Variants in TBC1D23 observed in about 807,000 individuals in gnomAD.
TBC1D23 encodes HCV non-structural protein 4A-transactivated protein 1.
In TBC1D23, 55 loss-of-function variants were observed where a neutral mutation model predicts 91.4. The observed-to-expected ratio is 0.60, with a 90% CI of 0.48 to 0.75. TBC1D23 has a LOEUF of 0.75. Among genes scored for constraint, TBC1D23 ranks in the 30% least tolerant of loss-of-function variants. TBC1D23 has a pLI of 0.00. For synonymous variants in TBC1D23, 289 were observed against 281.0 expected (o/e 1.03, Z -0.28); for missense variants, 725 against 836.1 (o/e 0.87, Z 1.64).
At chr3:100,272,700 G>A (rs2067610008) in intron 1 of TBC1D23, among the ~76,000 whole-genome samples, 1 of 152,190 alleles carries the variant, frequency 6.6e-6, no homozygotes, top group East Asian at 1.9e-4. Context: ...CAGAGAGGGG[G>A]ATGTGGCAGG....
rs996163151 is a variant in TBC1D23 at position 100,324,139 on chromosome 3, A to G, written c.*471A>G. On this transcript the variant is annotated 3_prime_UTR_variant, in exon 19 of 19. Coordinates refer to ENST00000394144, the MANE Select transcript of TBC1D23 (RefSeq NM_001199198.3). ...ATATCAGAAACTAAAACATAGATTA[A>G]TAATTCACTCACTGTTTCTATTCTT... is the stretch of plus-strand genomic sequence containing the variant. 3 of 152,218 alleles carry G rather than the reference A, an allele frequency of 2.0e-5. No homozygotes were observed. The highest frequency in any genetic ancestry group is 7.2e-5 in the African/African-American group (3 of 41,464). The allele number at this position is 152,218 out of a possible 1,614,324, so 9.4% of individuals were successfully genotyped here.
At chr3:100,310,667 A>G in intron 14 of TBC1D23, 125 bp downstream of exon 14, 2 of 697,802 alleles carry the variant, frequency 2.9e-6, no homozygotes, top group East Asian at 3.0e-5. Context: ...TATATTTTCT[A>G]TTAGATGATT....
chr3:100,303,552 CTTGAGCCCAGGAG>C, intron 11 of TBC1D23, among the ~76,000 whole-genome samples: 1 of 152,256 alleles, frequency 6.6e-6, no homozygotes, highest in East Asian at 1.9e-4. Flanking sequence ...GGGAGGATCA[CTTGAGCCCAGGAG>C]TTCAAGACCA....
At chr3:100,269,120 T>C (rs2067580759) in intron 1 of TBC1D23, among the ~76,000 whole-genome samples, 1 of 152,202 alleles carries the variant, frequency 6.6e-6, no homozygotes, top group Admixed American at 6.5e-5. Flanking sequence ...GCTTATAGAA[T>C]AACATTTCTG....
chr3:100,312,665 C>A (rs1012859417), intron 15 of TBC1D23, among the ~76,000 whole-genome samples: 1 of 151,866 alleles, frequency 6.6e-6, no homozygotes, highest in Non-Finnish European at 1.5e-5. Flanking sequence ...TTTAGAATAT[C>A]AATTACAGCA....
intron 1 of TBC1D23, among the ~76,000 whole-genome samples, chr3:100,266,654 G>A (rs1486771059): frequency 6.6e-6 from 1 of 152,152 alleles, no homozygotes; most frequent in African/African-American, 2.4e-5. Flanking sequence ...TTAGTAATTG[G>A]TTTTTGCATG....
chr3:100,292,054 C>CA (rs577627619), intron 5 of TBC1D23, among the ~76,000 whole-genome samples: 135 of 152,226 alleles, frequency 8.9e-4, no homozygotes, highest in African/African-American at 3.0e-3. Flanking sequence ...CCTGAGCCAC[C>CA]ACACCTGGCC....
At chr3:100,284,949 G>A (rs1232424430) in intron 4 of TBC1D23, among the ~76,000 whole-genome samples, 1 of 152,126 alleles carries the variant, frequency 6.6e-6, no homozygotes, top group Non-Finnish European at 1.5e-5. Flanking sequence ...ATTTCAGCGT[G>A]TAGCCAAGGT....
At chr3:100,267,968 C>T (rs1055158455) in intron 1 of TBC1D23, among the ~76,000 whole-genome samples, 6 of 152,008 alleles carry the variant, frequency 3.9e-5, no homozygotes, top group Non-Finnish European at 8.8e-5. Flanking sequence ...CTCAGGAGTT[C>T]GAGACCATCC....
At chr3:100,261,382 A>G (rs545280073) in intron 1 of TBC1D23, 6 of 418,930 alleles carry the variant, frequency 1.4e-5, no homozygotes, top group South Asian at 3.3e-5. Context: ...GTTTGGCCGG[A>G]GTCCTGGCTG....
intron 1 of TBC1D23, among the ~76,000 whole-genome samples, chr3:100,265,279 G>C (rs1449399626): frequency 6.6e-6 from 1 of 152,180 alleles, no homozygotes; most frequent in Non-Finnish European, 1.5e-5. Flanking sequence ...CCTGACTCCA[G>C]TGTTTTTGTG....
intron 1 of TBC1D23, among the ~76,000 whole-genome samples, chr3:100,278,109 A>C (rs2067665187): frequency 6.6e-6 from 1 of 152,184 alleles, no homozygotes. Context: ...ATTTAAACTA[A>C]TATTCTTAGA....
chr3:100,283,899 G>A, intron 4 of TBC1D23, 88 bp downstream of exon 4: 1 of 717,812 alleles, frequency 1.4e-6, no homozygotes, highest in Non-Finnish European at 2.3e-6. Context: ...TACTTTGGCG[G>A]TAAAGTAAAA....
chr3:100,290,740 AT>A, intron 5 of TBC1D23, 39 bp downstream of exon 5: 1 of 1,509,948 alleles, frequency 6.6e-7, no homozygotes, highest in East Asian at 2.4e-5. Flanking sequence ...TGAAAAATAG[AT>A]TTATGTAAAG....
In TBC1D23 at chr3:100,304,877, G is replaced by T; in HGVS notation, c.1295G>T (p.Gly432Val). The stretch of plus-strand genomic sequence containing the variant: ...AAAGAATATGTGAGTATTGCCAGTG[G>T]AGGATTTATGGGTAAGATTTTGATT... ...KNKEYVSIAS[G>V]GFMALQQHLA... Residue 432 changes from glycine (G) to valine (V), a missense_variant, in exon 12 of 19, where the codon GGA becomes GTA. By Grantham distance (109) the Gly-to-Val change is moderately radical. Transcript: ENST00000394144. 6.7e-7 allele frequency: 1 copy of T among 1,492,956 alleles called. No homozygotes were observed. 92.5% of individuals were successfully genotyped at this position (1,492,956 alleles called of 1,614,324 possible).
intron 5 of TBC1D23, among the ~76,000 whole-genome samples, chr3:100,294,573 A>G (rs1208244178): frequency 6.6e-6 from 1 of 152,048 alleles, no homozygotes; most frequent in Non-Finnish European, 1.5e-5. Context: ...ATCTCTTTCA[A>G]GTGATGTACA....
At chr3:100,298,121 G>T in intron 9 of TBC1D23, 76 bp downstream of exon 9, 1 of 1,307,086 alleles carries the variant, frequency 7.7e-7, no homozygotes, top group Non-Finnish European at 1.1e-6. Context: ...CCTGTTCATT[G>T]ATTCCCACAA....
intron 1 of TBC1D23, among the ~76,000 whole-genome samples, chr3:100,263,667 A>C (rs534766530): frequency 1.3e-5 from 2 of 152,372 alleles, no homozygotes; most frequent in South Asian, 4.1e-4. Context: ...AGTGACAGAC[A>C]TTACAACACT....
chr3:100,298,624 G>A (rs1705352320), intron 9 of TBC1D23, among the ~76,000 whole-genome samples: 2 of 152,140 alleles, frequency 1.3e-5, no homozygotes, highest in South Asian at 2.1e-4. Context: ...AGCCTTTTAT[G>A]GTAGATCTTT....
Sources: allele counts gnomAD v4.1 joint callset (sites outside exome capture counted in the v4.1 genomes callset), GRCh38; gene constraint gnomAD v4.1.1; transcripts MANE v1.5; gene names NCBI Gene and HGNC (gene_info 2026-07-23, HGNC 2026-07-21).